Variants in AJAP1 observed in about 807,000 individuals in gnomAD.
The protein encoded by AJAP1 is adherens junctions associated protein 1.
Under a neutral mutation model 35.0 loss-of-function variants are expected in AJAP1, and 5 were observed. That is an observed-to-expected ratio of 0.14 (90% confidence interval 0.07 to 0.30). The LOEUF (loss-of-function observed/expected upper bound fraction) is 0.30. AJAP1 is among the 10% of genes least tolerant of loss of function. The pLI, the probability that AJAP1 is intolerant of heterozygous loss-of-function variation, is 1.00. For synonymous variants in AJAP1, 284 were observed against 249.3 expected (o/e 1.14, Z -1.31); for missense variants, 586 against 571.0 (o/e 1.03, Z -0.27).
At chr1:4,746,318 C>T (rs376113116) in intron 2 of AJAP1, among the ~76,000 whole-genome samples, 4 of 152,292 alleles carry the variant, frequency 2.6e-5, no homozygotes, top group East Asian at 3.9e-4. Context: ...CACCCTGAGT[C>T]CCAGGCAATT....
intron 1 of AJAP1, among the ~76,000 whole-genome samples, chr1:4,668,829 C>A (rs1273881076): frequency 6.6e-6 from 1 of 152,184 alleles, no homozygotes; most frequent in African/African-American, 2.4e-5. Context: ...GCTCTGCCTG[C>A]CTTTTATTTT....
chr1:4,705,869 G>T (rs539392867), intron 1 of AJAP1, among the ~76,000 whole-genome samples: 1 of 152,048 alleles, frequency 6.6e-6, no homozygotes, highest in Non-Finnish European at 1.5e-5. Context: ...GAAAACGGAC[G>T]CTAAGCTAAG....
intron 2 of AJAP1, among the ~76,000 whole-genome samples, chr1:4,715,300 G>A (rs2100272839): frequency 6.6e-6 from 1 of 152,384 alleles, no homozygotes; most frequent in South Asian, 2.1e-4. Flanking sequence ...CTGAAGATCT[G>A]GGAGAGAATC....
intron 2 of AJAP1, among the ~76,000 whole-genome samples, chr1:4,722,584 T>G (rs1002248199): frequency 2.6e-5 from 4 of 152,186 alleles, no homozygotes; most frequent in Non-Finnish European, 5.9e-5. Flanking sequence ...TCCAGCTGTT[T>G]TGGAGGCCGG....
Position 4,663,165 on chromosome 1 carries a change from G to A in AJAP1, c.29+7711G>A, listed in dbSNP as rs564473942. Among the ~76,000 whole-genome samples, 8 of 152,276 alleles carry A rather than the reference G, an allele frequency of 5.3e-5. No individual in the cohort carries two copies. The East Asian group carries it at 1.4e-3, about 26-fold the overall frequency. ...TATTTATTTTTTTATACTTTGAATA[G>A]ATTAGGTCTTGCTGTGTTGCCCAGG... is the stretch of plus-strand genomic sequence containing the variant. On this transcript the variant is annotated intron_variant, in intron 1 of 5. Transcript: ENST00000378191.
chr1:4,728,458 C>T (rs999916471), intron 2 of AJAP1, among the ~76,000 whole-genome samples: 4 of 152,190 alleles, frequency 2.6e-5, no homozygotes, highest in Non-Finnish European at 5.9e-5. Flanking sequence ...CACCCAGCCC[C>T]GGGTTTGGGG....
At chr1:4,689,403 A>G (rs1639684081) in intron 1 of AJAP1, among the ~76,000 whole-genome samples, 1 of 152,172 alleles carries the variant, frequency 6.6e-6, no homozygotes, top group Non-Finnish European at 1.5e-5. Flanking sequence ...CCCACCCACG[A>G]GGAGGCGGAG....
chr1:4,758,590 C>G (rs1160320635), intron 2 of AJAP1, among the ~76,000 whole-genome samples: 1 of 152,142 alleles, frequency 6.6e-6, no homozygotes, highest in East Asian at 1.9e-4. Context: ...GGAAACCACC[C>G]CAACCCCCAT....
intron 1 of AJAP1, among the ~76,000 whole-genome samples, chr1:4,687,138 C>G (rs890282216): frequency 3.3e-5 from 5 of 152,186 alleles, no homozygotes; most frequent in East Asian, 1.9e-4. Context: ...CTCCTCTTTA[C>G]AGAATCCATT....
chr1:4,699,722 C>A (rs1351729375), intron 1 of AJAP1, among the ~76,000 whole-genome samples: 1 of 152,186 alleles, frequency 6.6e-6, no homozygotes, highest in Non-Finnish European at 1.5e-5. Context: ...AAACTTCCCT[C>A]CCTGAGCCCC....
intron 5 of AJAP1, among the ~76,000 whole-genome samples, chr1:4,781,936 G>C (rs534877366): frequency 2.2e-4 from 34 of 152,324 alleles, no homozygotes; most frequent in African/African-American, 8.2e-4. Context: ...CACCTGACCT[G>C]TGCCCAGGTG....
At chr1:4,702,735 C>A (rs901148674) in intron 1 of AJAP1, among the ~76,000 whole-genome samples, 1 of 152,114 alleles carries the variant, frequency 6.6e-6, no homozygotes, top group African/African-American at 2.4e-5. Context: ...ATGAGAGGAG[C>A]CTCCGCTGGG....
rs1184534020 is a variant in AJAP1, at chr1:4,712,549, A to C, written c.679A>C (p.Thr227Pro). The C allele has an allele frequency of 6.2e-7, 1 of 1,611,664 alleles. No individual in the cohort carries two copies. The highest frequency in any genetic ancestry group is 1.3e-5 in the African/African-American group (1 of 74,700). Residue 227 changes from threonine to proline, a missense_variant, in exon 2 of 6, where the codon ACC becomes CCC. Coordinates refer to ENST00000378191, the MANE Select transcript of AJAP1 (RefSeq NM_018836.4). ...CACCACCACCACCACCACCACGGCCACCCCCATGACGCTGCAGACTAAGGG... is the reference window on the plus strand; with the variant it reads ...CACCACCACCACCACCACCACGGCCCCCCCCATGACGCTGCAGACTAAGGG... Reference protein sequence around the residue: ...AATTTTTTTATPMTLQTKGFT... With the variant: ...AATTTTTTTAPPMTLQTKGFT...
At chr1:4,690,237 G>A (rs952636020) in intron 1 of AJAP1, among the ~76,000 whole-genome samples, 1 of 152,200 alleles carries the variant, frequency 6.6e-6, no homozygotes, top group Non-Finnish European at 1.5e-5. Context: ...TCTGAAGTCA[G>A]TCCGCTCCTT....
At chr1:4,691,297 C>A (rs1639732977) in intron 1 of AJAP1, among the ~76,000 whole-genome samples, 1 of 152,200 alleles carries the variant, frequency 6.6e-6, no homozygotes, top group African/African-American at 2.4e-5. Flanking sequence ...GCCACCTTCT[C>A]CCAGGTTGGC....
At chr1:4,701,838 C>T (rs1354675301) in intron 1 of AJAP1, among the ~76,000 whole-genome samples, 4 of 152,284 alleles carry the variant, frequency 2.6e-5, no homozygotes, top group Non-Finnish European at 4.4e-5. Context: ...TGTGATGCTG[C>T]GTAGATGCAG....
At chr1:4,697,752 C>A (rs1229358796) in intron 1 of AJAP1, among the ~76,000 whole-genome samples, 2 of 152,230 alleles carry the variant, frequency 1.3e-5, no homozygotes, top group Non-Finnish European at 2.9e-5. Context: ...ACAAGATGGT[C>A]CCAGGACGAC....
intron 1 of AJAP1, among the ~76,000 whole-genome samples, chr1:4,697,890 C>T (rs951949546): frequency 2.6e-5 from 4 of 152,252 alleles, no homozygotes; most frequent in East Asian, 3.9e-4. Context: ...TTCCAGTGGC[C>T]GGAGGAGAAG....
At position 4,693,837 on chromosome 1, in the gene AJAP1, G is replaced by T. The variant is rs976570538; in HGVS notation, c.30-18063G>T. Among the ~76,000 whole-genome samples the T allele has an allele frequency of 1.3e-5, 2 of 152,172 alleles. No individual in the cohort carries two copies. The highest frequency in any genetic ancestry group is 4.8e-5 in the African/African-American group (2 of 41,448). ...GCGTCCTTTTATCAGGAACCCACTT[G>T]GGGGAGATAATGGCATTCAGCCATT... On this transcript the variant is annotated intron_variant, in intron 1 of 5. Transcript: ENST00000378191. This position sits in a 1 kb window ranked among gnomAD's most constrained non-coding sequence, Gnocchi z 4.4.
Sources: gnomAD v4.1 joint callset for allele counts (sites outside exome capture counted in the v4.1 genomes callset) on GRCh38, gnomAD v4.1.1 for gene constraint, Gnocchi (gnomAD v3.1) non-coding constraint, MANE v1.5 for transcripts, NCBI Gene and HGNC (gene_info 2026-07-23, HGNC 2026-07-21) for gene names.